The following TOM1L1 variants were observed in gnomAD, a reference collection of about 807,000 sequenced individuals.
TOM1L1 encodes TOM1-like protein 1.
A neutral mutation model predicts 63.4 loss-of-function variants in TOM1L1; 64 were observed. The observed-to-expected ratio is 1.01, with a 90% CI of 0.83 to 1.24. The LOEUF (loss-of-function observed/expected upper bound fraction) is 1.24, where lower values mean the gene tolerates loss of function less well. TOM1L1 is among the 50% of genes most tolerant of loss of function. TOM1L1 has a pLI of 0.00. For synonymous variants in TOM1L1, 166 were observed against 194.4 expected (o/e 0.85, Z 1.22); for missense variants, 536 against 567.0 (o/e 0.95, Z 0.55).
At chr17:54,910,912 C>T (rs2048487318) in intron 3 of TOM1L1, among the ~76,000 whole-genome samples, 1 of 152,190 alleles carries the variant, frequency 6.6e-6, no homozygotes, top group Non-Finnish European at 1.5e-5. Flanking sequence ...AAATACAAAG[C>T]ATGGCATGAA....
intron 9 of TOM1L1, 148 bp downstream of exon 9, chr17:54,936,857 A>G (rs2048955618): frequency 1.5e-6 from 1 of 660,324 alleles, no homozygotes; most frequent in African/African-American, 2.7e-5. Context: ...TACTTGCCTT[A>G]ATAACTTAAT....
At position 54,906,721 on chromosome 17, in the gene TOM1L1, G is replaced by A. The variant is rs569693195; in HGVS notation, c.222+1154G>A. The A allele has an allele frequency of 6.2e-6, 6 of 975,058 alleles. 1 individual carries two copies. In the South Asian group the frequency reaches 2.4e-4, roughly 39 times the overall value. The allele number at this position is 975,058 out of a possible 1,614,324, so 60.4% of individuals were successfully genotyped here. ...TTGTATTGTCTGTGATTTAAGTGTGGACTCTTATTTGATGTGTTCCCATTT... is the reference window on the plus strand; with the variant it reads ...TTGTATTGTCTGTGATTTAAGTGTGAACTCTTATTTGATGTGTTCCCATTT... On this transcript the variant is annotated intron_variant, in intron 3 of 15. Coordinates refer to ENST00000575882, the MANE Select transcript of TOM1L1 (RefSeq NM_005486.3).
rs1364775991 is a variant in TOM1L1 at position 54,961,526 on chromosome 17, T to C, written c.*293T>C. 5 of 1,398,556 alleles carry C rather than the reference T, an allele frequency of 3.6e-6. No homozygotes were observed. The highest frequency in any genetic ancestry group is 1.6e-5 in the South Asian group (1 of 61,858). The allele number at this position is 1,398,556 out of a possible 1,614,324, so 86.6% of individuals were successfully genotyped here. The stretch of plus-strand genomic sequence containing the variant: ...CAACCAATTTAACTGCAGTGTCATG[T>C]TTCACAGGCCTTCCTACATTTAGAA... On this transcript the variant is annotated 3_prime_UTR_variant, in exon 16 of 16. Transcript: ENST00000575882.
Position 54,929,736 on chromosome 17 carries a change from CAT to C in TOM1L1, c.721-336_721-335del, listed in dbSNP as rs1491544922. 4.9e-5 allele frequency among the ~76,000 whole-genome samples: 6 copies of C among 123,594 alleles called. No individual in the cohort carries two copies. The South Asian group carries it at 8.1e-4, about 17-fold the overall frequency. The allele number at this position is 123,594 out of a possible 152,430, so 81.1% of individuals were successfully genotyped here. A position where few individuals can be genotyped will look rare whatever the true frequency, so the allele number is the denominator to read the frequency against. ...AATGAGAAAACTGAGATTTAAAAAA[CAT>C]GTGTTTTTTTTTTTTTTTCCCCAAC... On this transcript the variant is annotated intron_variant, in intron 7 of 15. Coordinates refer to ENST00000575882, the MANE Select transcript of TOM1L1 (RefSeq NM_005486.3).
At chr17:54,945,130 C>A (rs998385320) in intron 11 of TOM1L1, among the ~76,000 whole-genome samples, 2 of 152,120 alleles carry the variant, frequency 1.3e-5, no homozygotes, top group African/African-American at 4.8e-5. Flanking sequence ...GGTCATGTCA[C>A]TCCAATTCTT....
rs192282772 is a variant in TOM1L1, at chr17:54,912,011, A to G, written c.223-655A>G. Reference sequence around the variant, plus strand: ...TTACCTATATCAGGATGCCTCTACTAGAGACAGACCAGAATACTTATCTCC... The same window carrying G: ...TTACCTATATCAGGATGCCTCTACTGGAGACAGACCAGAATACTTATCTCC... On this transcript the variant is annotated intron_variant, in intron 3 of 15. Transcript: ENST00000575882. Among the ~76,000 whole-genome samples, 564 of 152,298 alleles carry G rather than the reference A, an allele frequency of 3.7e-3. 2 individuals are homozygous for G. Among genetic ancestry groups the G allele is most frequent in the African/African-American group, 0.013 (527 of 41,558 alleles).
intron 8 of TOM1L1, among the ~76,000 whole-genome samples, chr17:54,931,492 A>T (rs8065361): frequency 0.29 from 43,875 of 152,028 alleles, 6,369 homozygotes; most frequent in Middle Eastern, 0.31. Context: ...ATTAAGAGAA[A>T]CCATGAAATA....
chr17:54,959,902 C>T (rs2077070051), intron 14 of TOM1L1, among the ~76,000 whole-genome samples: 1 of 152,002 alleles, frequency 6.6e-6, no homozygotes, highest in African/African-American at 2.4e-5. Context: ...TAGGTGTGAG[C>T]CACTGCACTT....
intron 4 of TOM1L1, 59 bp from the exon 5 acceptor site, chr17:54,913,689 T>G (rs2048534679): frequency 1.4e-6 from 2 of 1,428,512 alleles, no homozygotes; most frequent in Non-Finnish European, 1.9e-6. Flanking sequence ...AAAAAAAGAA[T>G]TGTGTTTTGG....
rs2048965204 is a variant in TOM1L1, at chr17:54,937,300, T to C, written c.1033+74T>C. 6.9e-6 allele frequency: 8 copies of C among 1,161,976 alleles called. No individual in the cohort carries two copies. In the South Asian group the frequency reaches 8.6e-5, roughly 13 times the overall value. The allele number at this position is 1,161,976 out of a possible 1,614,324, so 72.0% of individuals were successfully genotyped here. A position where few individuals can be genotyped will look rare whatever the true frequency, so the allele number is the denominator to read the frequency against. On this transcript the variant is annotated intron_variant, in intron 10 of 15. Transcript: ENST00000575882. ...AAACAGTTCTCCTTAATTACGTGAT[T>C]AAATACCACCTAAGAAGGACTGAAG...
In TOM1L1 at chr17:54,914,683, A is replaced by G; in HGVS notation, c.543A>G (p.Ala181=). The G allele has an allele frequency of 6.2e-7, 1 of 1,614,012 alleles. No individual in the cohort carries two copies. The highest frequency in any genetic ancestry group is 1.7e-4 in the Middle Eastern group (1 of 6,058). Residue 181 remains alanine, a synonymous_variant, in exon 6 of 16, where the codon GCA becomes GCG. Transcript: ENST00000575882. ...ATCCTCCAACATCTGTCCCTACTGCACCAGCTCTTTCTTCTGTAATTGCTC... is the reference window on the plus strand; with the variant it reads ...ATCCTCCAACATCTGTCCCTACTGCGCCAGCTCTTTCTTCTGTAATTGCTC... ...SSNPPTSVPT[A]PALSSVIAPK... is the part of the protein sequence containing the mutation.
chr17:54,904,590 A>G (rs1180714288), intron 2 of TOM1L1, among the ~76,000 whole-genome samples: 1 of 152,100 alleles, frequency 6.6e-6, no homozygotes, highest in African/African-American at 2.4e-5. Flanking sequence ...TTCCTTCTGA[A>G]TGTCAACTCA....
At chr17:54,903,573 C>A in intron 1 of TOM1L1, 135 bp from the exon 2 acceptor site, 2 of 758,246 alleles carry the variant, frequency 2.6e-6, no homozygotes, top group African/African-American at 1.8e-5. Flanking sequence ...GAGAACTGTT[C>A]CAAAAAAAAT....
Position 54,960,637 on chromosome 17 carries a change from T to C in TOM1L1, c.*1+10T>C. The C allele has an allele frequency of 1.3e-6, 2 of 1,584,262 alleles. No individual in the cohort carries two copies. Among genetic ancestry groups the C allele is most frequent in the Non-Finnish European group, 1.7e-6 (2 of 1,153,772 alleles). On this transcript the variant is annotated intron_variant, in intron 15 of 15. Transcript: ENST00000575882. ...AATGATGGTGACTGAGGTAAAGACT[T>C]CAACTTATACAACTTAATTCCATAT...
In TOM1L1 at chr17:54,929,346, C is replaced by T. The variant is rs2048818675; in HGVS notation, c.721-727C>T. The stretch of plus-strand genomic sequence containing the variant: ...GCCTGAAGATTCTGGATCAGTAAGT[C>T]TAATGTAGATGGCTCTGATGCTTAT... On this transcript the variant is annotated intron_variant, in intron 7 of 15. Coordinates refer to ENST00000575882, the MANE Select transcript of TOM1L1 (RefSeq NM_005486.3). Among the ~76,000 whole-genome samples, 7 of 149,944 alleles carry T rather than the reference C, an allele frequency of 4.7e-5. No homozygotes were observed. In the South Asian group the frequency reaches 1.5e-3, roughly 32 times the overall value.
intron 3 of TOM1L1, among the ~76,000 whole-genome samples, chr17:54,906,197 G>A (rs1275633385): frequency 2.0e-5 from 3 of 152,108 alleles, no homozygotes; most frequent in African/African-American, 4.8e-5. Context: ...GGCTGGGTAC[G>A]GTGGCTCACA....
At chr17:54,932,796 CA>C (rs1407304445) in intron 8 of TOM1L1, among the ~76,000 whole-genome samples, 1 of 152,042 alleles carries the variant, frequency 6.6e-6, no homozygotes, top group Non-Finnish European at 1.5e-5. Context: ...TTTTTATAAG[CA>C]AAAAAATATC....
At chr17:54,929,729 T>G (rs1259609002) in intron 7 of TOM1L1, among the ~76,000 whole-genome samples, 1 of 142,954 alleles carries the variant, frequency 7.0e-6, no homozygotes, top group Non-Finnish European at 1.5e-5. Flanking sequence ...AACTGAGATT[T>G]AAAAAACATG....
intron 10 of TOM1L1, 63 bp downstream of exon 10, chr17:54,937,289 A>G: frequency 2.4e-6 from 3 of 1,266,382 alleles, no homozygotes; most frequent in Non-Finnish European, 3.5e-6. Flanking sequence ...AGTTCTCCTT[A>G]ATTACGTGAT....
Sources: gnomAD v4.1 joint callset for allele counts (sites outside exome capture counted in the v4.1 genomes callset) on GRCh38, gnomAD v4.1.1 for gene constraint, MANE v1.5 for transcripts, NCBI Gene and HGNC (gene_info 2026-07-23, HGNC 2026-07-21) for gene names.